UNC50: variants seen among roughly 807,000 people sequenced by gnomAD.
UNC50 encodes the protein unc-50 inner nuclear membrane RNA binding protein.
A neutral mutation model predicts 31.5 loss-of-function variants in UNC50; 24 were observed. The observed-to-expected ratio is 0.76, with a 90% CI of 0.55 to 1.07. The LOEUF is 1.07. UNC50 is among the 50% of genes least tolerant of loss of function. The pLI, the probability that UNC50 is intolerant of heterozygous loss-of-function variation, is 0.00. For synonymous variants in UNC50, 118 were observed against 114.7 expected (o/e 1.03, Z -0.18); for missense variants, 245 against 304.2 (o/e 0.81, Z 1.45).
chr2:98,610,567 T>A (rs1251886858), intron 2 of UNC50, among the ~76,000 whole-genome samples: 1 of 152,196 alleles, frequency 6.6e-6, no homozygotes, highest in Non-Finnish European at 1.5e-5. Context: ...GCCACCGTGG[T>A]GAATCAGCCT....
At chr2:98,613,467 A>G (rs572148159) in intron 3 of UNC50, among the ~76,000 whole-genome samples, 34 of 152,346 alleles carry the variant, frequency 2.2e-4, no homozygotes, top group Middle Eastern at 6.8e-3. Context: ...ACTTATAATC[A>G]TGGCAGAAGG....
intron 4 of UNC50, 27 bp downstream of exon 4, chr2:98,616,373 T>C (rs1185354439): frequency 6.2e-7 from 1 of 1,613,966 alleles, no homozygotes; most frequent in Non-Finnish European, 8.5e-7. Context: ...TAGAGTATTA[T>C]CCAAGTCTTC....
chr2:98,610,070 C>T (rs200693518), intron 2 of UNC50, 31 bp downstream of exon 2: 54 of 1,573,138 alleles, frequency 3.4e-5, no homozygotes, highest in Non-Finnish European at 4.6e-5. Context: ...TAGAATTGAA[C>T]GCTGAGTGTT....
intron 5 of UNC50, 54 bp from the exon 6 acceptor site, chr2:98,618,114 T>TAGTC (rs1700964885): frequency 2.2e-6 from 3 of 1,392,734 alleles, no homozygotes; most frequent in African/African-American, 1.6e-5. Context: ...GTTCATTTAT[T>TAGTC]AGTCATTTAT....
At chr2:98,616,855 G>A (rs1700930935) in intron 5 of UNC50, among the ~76,000 whole-genome samples, 1 of 152,190 alleles carries the variant, frequency 6.6e-6, no homozygotes, top group Non-Finnish European at 1.5e-5. Context: ...AGGAATCCAA[G>A]ACCATTCACT....
In UNC50 at chr2:98,610,806, C is replaced by T. The variant is rs775017347; in HGVS notation, c.312C>T (p.Asp104=). 6.2e-7 allele frequency: 1 copy of T among 1,614,058 alleles called. No individual in the cohort carries two copies. The highest frequency in any genetic ancestry group is 1.3e-5 in the African/African-American group (1 of 74,926). Reference sequence around the variant, plus strand: ...CTATAGGATTTGGCTTTGTGCTGGACATGGGATTCTTTGAGACAATAAAGC... The same window carrying T: ...CTATAGGATTTGGCTTTGTGCTGGATATGGGATTCTTTGAGACAATAAAGC... ...VSTIGFGFVL[D]MGFFETIKLL... Residue 104 remains aspartate (D), a synonymous_variant, in exon 3 of 6, where the codon GAC becomes GAT. Coordinates refer to ENST00000357765, the MANE Select transcript of UNC50 (RefSeq NM_014044.7).
chr2:98,618,113 T>C, intron 5 of UNC50, 55 bp from the exon 6 acceptor site: 1 of 1,412,398 alleles, frequency 7.1e-7, no homozygotes, highest in Non-Finnish European at 9.3e-7. Context: ...TGTTCATTTA[T>C]TAGTCATTTA....
rs766743308 is a variant in UNC50, at chr2:98,618,286, T to TAAG, written c.763_765dup (p.Lys255dup). ...TCACCCATACTCTCTGTTCTTTCTA[T>TAAG]AAGTACAGAGTGAAATAAAAAGTGA... On this transcript the variant is annotated inframe_insertion, in exon 6 of 6. Transcript: ENST00000357765. The TAAG allele has an allele frequency of 4.9e-5, 79 of 1,605,836 alleles. No individual in the cohort carries two copies. The highest frequency in any genetic ancestry group is 6.7e-5 in the African/African-American group (5 of 74,382).
rs762642841 is a variant in UNC50 at position 98,618,260 on chromosome 2, T to G, written c.736T>G (p.Phe246Val). 6.2e-7 allele frequency: 1 copy of G among 1,612,480 alleles called. No homozygotes were observed. ...GCTTTCCCTGGCACTGGGATGGAAC[T>G]TCACCCATACTCTCTGTTCTTTCTA... is the stretch of plus-strand genomic sequence containing the variant. ...YGLSLALGWN[F>V]THTLCSFYKY... The change falls in exon 6 of 6, where the codon TTC becomes GTC. Residue 246 changes from phenylalanine (F) to valine (V), a missense_variant. Phe to Val is a conservative substitution (Grantham distance 50). Coordinates refer to ENST00000357765, the MANE Select transcript of UNC50 (RefSeq NM_014044.7).
At chr2:98,612,423 T>C (rs78076877) in intron 3 of UNC50, among the ~76,000 whole-genome samples, 1 of 152,094 alleles carries the variant, frequency 6.6e-6, no homozygotes, top group East Asian at 1.9e-4. Context: ...TTTTTTTTTT[T>C]CTTTGAGACG....
At chr2:98,610,149 T>C in intron 2 of UNC50, 110 bp downstream of exon 2, 1 of 1,202,292 alleles carries the variant, frequency 8.3e-7, no homozygotes, top group Non-Finnish European at 1.2e-6. Flanking sequence ...CTATTTCTCC[T>C]TTTTACTGAA....
rs563944652 is a variant in UNC50, at chr2:98,618,246, C to G, written c.722C>G (p.Ala241Gly). 1 of 1,612,394 alleles carries G rather than the reference C, an allele frequency of 6.2e-7. No homozygotes were observed. Among genetic ancestry groups the G allele is most frequent in the East Asian group, 2.2e-5 (1 of 44,852 alleles). ...PLILLYGLSL[A>G]LGWNFTHTLC... ...ATTCTGCTCTACGGGCTTTCCCTGGCACTGGGATGGAACTTCACCCATACT... is the reference window on the plus strand; with the variant it reads ...ATTCTGCTCTACGGGCTTTCCCTGGGACTGGGATGGAACTTCACCCATACT... Residue 241 changes from alanine to glycine, a missense_variant, in exon 6 of 6, where the codon GCA (alanine) becomes GGA (glycine). Coordinates refer to ENST00000357765, the MANE Select transcript of UNC50 (RefSeq NM_014044.7).
At chr2:98,615,742 T>G (rs1356882836) in intron 3 of UNC50, among the ~76,000 whole-genome samples, 1 of 152,202 alleles carries the variant, frequency 6.6e-6, no homozygotes, top group Non-Finnish European at 1.5e-5. Context: ...CACAGTGGCT[T>G]CTCACGTCAC....
rs766720215 is a variant in UNC50 at position 98,618,128 on chromosome 2, T to TA, written c.644-40_644-39insA. 1.3e-5 allele frequency: 19 copies of TA among 1,473,202 alleles called. 2 individuals carry two copies. The highest frequency in any genetic ancestry group is 8.2e-5 in the South Asian group (6 of 73,430). The allele number at this position is 1,473,202 out of a possible 1,614,324, so 91.3% of individuals were successfully genotyped here. A position where few individuals can be genotyped will look rare whatever the true frequency, so the allele number is the denominator to read the frequency against. The stretch of plus-strand genomic sequence containing the variant: ...TGTTCATTTATTAGTCATTTATTTT[T>TA]TTTTTTTTTTAAATCAGTTTGGATT... On this transcript the variant is annotated intron_variant, in intron 5 of 5. Transcript: ENST00000357765.
At chr2:98,616,596 T>A in intron 5 of UNC50, 63 bp downstream of exon 5, 1 of 1,325,228 alleles carries the variant, frequency 7.5e-7, no homozygotes, top group Non-Finnish European at 1.1e-6. Flanking sequence ...GTTGTAACAG[T>A]AGTACAAACA....
At chr2:98,608,979 T>C (rs1226291661) in intron 1 of UNC50, 2 of 165,392 alleles carry the variant, frequency 1.2e-5, no homozygotes, top group Admixed American at 6.3e-5. Flanking sequence ...TAAAACCTTA[T>C]TCGTGGCCTG....
chr2:98,609,656 A>C (rs921691078), intron 1 of UNC50, 100 bp from the exon 2 acceptor site: 3 of 1,566,062 alleles, frequency 1.9e-6, no homozygotes, highest in Non-Finnish European at 1.7e-6. Flanking sequence ...TGGGAAGAAC[A>C]TGGAAAGTGA....
At chr2:98,612,635 C>G (rs538748101) in intron 3 of UNC50, among the ~76,000 whole-genome samples, 1 of 152,344 alleles carries the variant, frequency 6.6e-6, no homozygotes, top group South Asian at 2.1e-4. Flanking sequence ...TCTCAAACTC[C>G]TGACCTCAGG....
chr2:98,617,026 T>C (rs1265633639), intron 5 of UNC50, among the ~76,000 whole-genome samples: 1 of 152,266 alleles, frequency 6.6e-6, no homozygotes, highest in Non-Finnish European at 1.5e-5. Context: ...GATTACCGTA[T>C]GGTTCTGTAG....
Sources: gnomAD v4.1 joint callset for allele counts (sites outside exome capture counted in the v4.1 genomes callset) on GRCh38, gnomAD v4.1.1 for gene constraint, MANE v1.5 for transcripts, NCBI Gene and HGNC (gene_info 2026-07-23, HGNC 2026-07-21) for gene names.